ERBIN: variants seen among roughly 807,000 people sequenced by gnomAD.
The protein encoded by ERBIN is erbb2 interacting protein, also known as densin-180-like protein.
In ERBIN, 60 loss-of-function variants were observed where a neutral mutation model predicts 158.4. That is an observed-to-expected ratio of 0.38 (90% CI 0.31 to 0.47). The LOEUF (loss-of-function observed/expected upper bound fraction) is 0.47, where lower values mean the gene tolerates loss of function less well. ERBIN is among the 20% of genes least tolerant of loss of function. The pLI is 0.99. For synonymous variants in ERBIN, 594 were observed against 557.2 expected (o/e 1.07, Z -0.93); for missense variants, 1,610 against 1,648.0 (o/e 0.98, Z 0.40).
intron 19 of ERBIN, among the ~76,000 whole-genome samples, chr5:66,049,013 A>G (rs569113253): frequency 6.6e-6 from 1 of 152,168 alleles, no homozygotes; most frequent in Admixed American, 6.5e-5. Context: ...GACTTTACCG[A>G]CAGATAAACT....
At chr5:66,002,777 T>C (rs1348495554) in intron 4 of ERBIN, among the ~76,000 whole-genome samples, 4 of 152,254 alleles carry the variant, frequency 2.6e-5, no homozygotes, top group African/African-American at 9.6e-5. Context: ...ATTAAGAGGA[T>C]ATTACAGATT....
chr5:66,034,115 C>A (rs867062064), intron 14 of ERBIN, among the ~76,000 whole-genome samples: 867 of 132,774 alleles, frequency 6.5e-3, no homozygotes, highest in South Asian at 0.011. Context: ...GACTTTGTCT[C>A]AAAAAAAAAA....
intron 4 of ERBIN, among the ~76,000 whole-genome samples, chr5:66,006,879 G>A (rs1753660610): frequency 1.3e-5 from 2 of 151,384 alleles, no homozygotes; most frequent in Non-Finnish European, 2.9e-5. Flanking sequence ...TCATTAAAAA[G>A]TCAGGAAACA....
intron 4 of ERBIN, among the ~76,000 whole-genome samples, chr5:66,008,542 AATT>A (rs1753861871): frequency 6.6e-6 from 1 of 152,236 alleles, no homozygotes; most frequent in East Asian, 1.9e-4. Context: ...CAATATTTGT[AATT>A]TAAAGCTCTT....
At chr5:65,957,569 A>C (rs1747331696) in intron 1 of ERBIN, among the ~76,000 whole-genome samples, 2 of 152,208 alleles carry the variant, frequency 1.3e-5, no homozygotes, top group Non-Finnish European at 2.9e-5. Flanking sequence ...AAGGCAGAAG[A>C]ATTTTTCTTA....
intron 1 of ERBIN, among the ~76,000 whole-genome samples, chr5:65,935,282 T>C (rs1356860031): frequency 6.6e-6 from 1 of 152,214 alleles, no homozygotes; most frequent in Non-Finnish European, 1.5e-5. Context: ...AAACCCATTG[T>C]AAATCGAGGA....
chr5:65,967,172 A>T (rs1311867706), intron 1 of ERBIN, among the ~76,000 whole-genome samples: 4 of 152,172 alleles, frequency 2.6e-5, no homozygotes, highest in African/African-American at 9.7e-5. Context: ...TGTTATTACA[A>T]AAGTTAAGAT....
In ERBIN at chr5:66,079,551, G is replaced by A. The variant is rs1042553668; in HGVS notation, c.*1021G>A. ...GTTTAGGAAAGCCTCTTTGATTTTT[G>A]TTTGGCCTTGCATTGCCTTGGTAAA... On this transcript the variant is annotated 3_prime_UTR_variant, in exon 26 of 26. Coordinates refer to ENST00000284037, the MANE Select transcript of ERBIN (RefSeq NM_001253697.2). The A allele has an allele frequency of 3.9e-5, 6 of 152,480 alleles. No individual in the cohort carries two copies. The highest frequency in any genetic ancestry group is 1.4e-4 in the African/African-American group (6 of 41,398). The allele number at this position is 152,480 out of a possible 1,614,324, so 9.4% of individuals were successfully genotyped here.
At chr5:65,958,123 C>T (rs973119833) in intron 1 of ERBIN, among the ~76,000 whole-genome samples, 70 of 96,464 alleles carry the variant, frequency 7.3e-4, no homozygotes, top group South Asian at 2.8e-3. Context: ...AGAGGCGCTC[C>T]TCACTTCCCA....
chr5:66,049,216 A>T (rs1258521282), intron 19 of ERBIN, among the ~76,000 whole-genome samples: 1 of 152,010 alleles, frequency 6.6e-6, no homozygotes, highest in Non-Finnish European at 1.5e-5. Context: ...ATCACAAAAC[A>T]TTTTTTTACA....
At chr5:65,931,571 C>A (rs1385409786) in intron 1 of ERBIN, among the ~76,000 whole-genome samples, 1 of 152,102 alleles carries the variant, frequency 6.6e-6, no homozygotes, top group Non-Finnish European at 1.5e-5. Flanking sequence ...TAAGCTATTG[C>A]ATGTTAGTGT....
Position 66,024,290 on chromosome 5 carries a change from C to CT in ERBIN, c.673-9dup, listed in dbSNP as rs533894721. 6.8e-3 allele frequency: 9,865 copies of CT among 1,444,262 alleles called. 43 individuals are homozygous for CT. Among genetic ancestry groups the CT allele is most frequent in the Middle Eastern group, 0.018 (78 of 4,446 alleles). 89.5% of individuals were successfully genotyped at this position (1,444,262 alleles called of 1,614,324 possible). On this transcript the variant is annotated splice_polypyrimidine_tract_variant and intron_variant, in intron 9 of 25. Transcript: ENST00000284037. ...AATGTTAATAGAGTCATTAGATTTT[C>CT]TTTTTTTACTTATAGTTTATTGGTA...
chr5:65,972,030 G>A (rs1456095525), intron 1 of ERBIN, among the ~76,000 whole-genome samples: 2 of 152,118 alleles, frequency 1.3e-5, no homozygotes, highest in African/African-American at 4.8e-5. Context: ...TTTAAAATTT[G>A]TACAAAGGTG....
At position 66,065,590 on chromosome 5, in the gene ERBIN, CCTGTGTGT is replaced by C. The variant is rs1383352647; in HGVS notation, c.3634-6578_3634-6571del. Among the ~76,000 whole-genome samples the C allele has an allele frequency of 2.7e-5, 3 of 109,486 alleles. No individual in the cohort carries two copies. The East Asian group carries it at 8.4e-4, about 31-fold the overall frequency. The allele number at this position is 109,486 out of a possible 152,430, so 71.8% of individuals were successfully genotyped here. A position where few individuals can be genotyped will look rare whatever the true frequency, so the allele number is the denominator to read the frequency against. On this transcript the variant is annotated intron_variant, in intron 21 of 25. Coordinates refer to ENST00000284037, the MANE Select transcript of ERBIN (RefSeq NM_001253697.2). ...TCAGAGATTTTCAGATTAATTTTGACCTGTGTGTGTGTGTGTGTGTGTGTGTGTGTGTG... is the reference window on the plus strand; with the variant it reads ...TCAGAGATTTTCAGATTAATTTTGACGTGTGTGTGTGTGTGTGTGTGTGTG...
intron 21 of ERBIN, among the ~76,000 whole-genome samples, chr5:66,066,546 T>C (rs979710299): frequency 8.7e-5 from 13 of 149,426 alleles, no homozygotes; most frequent in African/African-American, 2.5e-5. Context: ...CAAAAAAAAC[T>C]GTACCTGGAA....
intron 1 of ERBIN, among the ~76,000 whole-genome samples, chr5:65,933,324 C>T (rs1427131629): frequency 2.0e-5 from 3 of 151,964 alleles, no homozygotes; most frequent in Non-Finnish European, 2.9e-5. Flanking sequence ...AATATATGTT[C>T]CCAGCCCAAT....
chr5:65,947,996 G>A (rs1277999546), intron 1 of ERBIN, among the ~76,000 whole-genome samples: 1 of 136,174 alleles, frequency 7.3e-6, no homozygotes, highest in Admixed American at 7.7e-5. Context: ...GGCAACAAGA[G>A]TGAAACTGCA....
At chr5:65,956,893 A>C (rs991957330) in intron 1 of ERBIN, among the ~76,000 whole-genome samples, 1 of 151,406 alleles carries the variant, frequency 6.6e-6, no homozygotes, top group African/African-American at 2.4e-5. Flanking sequence ...CAATACACCC[A>C]AAACGGGGAT....
In ERBIN at chr5:65,928,904, G is replaced by T. The variant is rs148654912; in HGVS notation, c.-58+2098G>T. Among the ~76,000 whole-genome samples, 270 of 152,262 alleles carry T rather than the reference G, an allele frequency of 1.8e-3. 1 individual carries two copies. The highest frequency in any genetic ancestry group is 6.3e-3 in the African/African-American group (262 of 41,560). On this transcript the variant is annotated intron_variant, in intron 1 of 25. Transcript: ENST00000284037. ...TATTTTTAAATGGCTTCAAAATTTG[G>T]ATATTCTTCTAGTATGGTGTGGATT...
Sources: allele counts gnomAD v4.1 joint callset (sites outside exome capture counted in the v4.1 genomes callset), GRCh38; gene constraint gnomAD v4.1.1; transcripts MANE v1.5; gene names NCBI Gene and HGNC (gene_info 2026-07-23, HGNC 2026-07-21).